SIK3: variants seen among roughly 807,000 people sequenced by gnomAD.
SIK3 encodes the protein serine/threonine-protein kinase SIK3.
In SIK3, 28 loss-of-function variants were observed where a neutral mutation model predicts 144.2. The observed-to-expected ratio is 0.19, with a 90% CI of 0.14 to 0.27. The LOEUF is 0.27. Ranked by LOEUF, SIK3 falls within the 10% of genes least tolerant of loss-of-function variation. The pLI is 1.00. For synonymous variants in SIK3, 686 were observed against 676.3 expected, an observed-to-expected ratio of 1.01 and a Z score of -0.22; for missense variants, 1,319 against 1,776.0, an observed-to-expected ratio of 0.74 and a Z score of 4.62.
intron 1 of SIK3, among the ~76,000 whole-genome samples, chr11:117,062,203 CG>C (rs1953826465): frequency 6.6e-6 from 1 of 151,904 alleles, no homozygotes; most frequent in Non-Finnish European, 1.5e-5. Context: ...CCACTGTGCC[CG>C]GCCTGCTAAT....
intron 1 of SIK3, among the ~76,000 whole-genome samples, chr11:117,094,955 AT>A (rs1352045437): frequency 1.3e-5 from 2 of 152,096 alleles, no homozygotes; most frequent in African/African-American, 4.8e-5. Flanking sequence ...TGCTGCCAAT[AT>A]GAAGTCTGAG....
intron 1 of SIK3, among the ~76,000 whole-genome samples, chr11:117,045,582 T>C (rs1402506009): frequency 6.6e-6 from 1 of 152,230 alleles, no homozygotes. Context: ...GGCATGAAGC[T>C]GAAATTGGTA....
At chr11:116,981,217 C>T (rs1156892747) in intron 1 of SIK3, among the ~76,000 whole-genome samples, 1 of 152,210 alleles carries the variant, frequency 6.6e-6, no homozygotes. Context: ...TGGCATCACC[C>T]AGGGCAGCTT....
At position 116,957,136 on chromosome 11, in the gene SIK3, T is replaced by C; in HGVS notation, c.274-72A>G. ...GTTTACTAAGAAAAATTAGGTTCACTTTAAAACATTACGTTCCATAAAATA... is the reference window on the plus strand; with the variant it reads ...GTTTACTAAGAAAAATTAGGTTCACCTTAAAACATTACGTTCCATAAAATA... On this transcript the variant is annotated intron_variant, in intron 1 of 24. Transcript: ENST00000445177. 8.3e-6 allele frequency: 6 copies of C among 723,898 alleles called. No individual in the cohort carries two copies. In the Middle Eastern group the frequency reaches 1.3e-3, roughly 162 times the overall value. 44.8% of individuals were successfully genotyped at this position (723,898 alleles called of 1,614,324 possible). A position where few individuals can be genotyped will look rare whatever the true frequency, so the allele number is the denominator to read the frequency against.
chr11:116,894,150 C>T (rs1945273636), intron 6 of SIK3, among the ~76,000 whole-genome samples: 2 of 152,288 alleles, frequency 1.3e-5, no homozygotes, highest in South Asian at 4.1e-4. Flanking sequence ...TCTCCTAGGA[C>T]AGCAGGCCCT....
chr11:117,048,392 C>G (rs999961528), intron 1 of SIK3, among the ~76,000 whole-genome samples: 4 of 152,340 alleles, frequency 2.6e-5, no homozygotes, highest in Admixed American at 2.0e-4. Context: ...CGCGGTGGCT[C>G]ACGCCTGTAA....
At chr11:117,067,517 G>T (rs1416381197) in intron 1 of SIK3, among the ~76,000 whole-genome samples, 1 of 152,140 alleles carries the variant, frequency 6.6e-6, no homozygotes, top group Admixed American at 6.5e-5. Flanking sequence ...GGAAGTGGAG[G>T]AGGATGAGAA....
chr11:116,991,427 A>G (rs1950498112), intron 1 of SIK3, among the ~76,000 whole-genome samples: 1 of 152,208 alleles, frequency 6.6e-6, no homozygotes, highest in African/African-American at 2.4e-5. Context: ...AGTATGGGCA[A>G]TAGAGCAAGG....
chr11:117,013,115 T>C (rs879260776), intron 1 of SIK3, among the ~76,000 whole-genome samples: 3 of 152,104 alleles, frequency 2.0e-5, no homozygotes, highest in Admixed American at 2.0e-4. Context: ...TCACCAAAGA[T>C]AGTTTCTGTT....
Position 116,843,812 on chromosome 11 carries a change from C to A in SIK3, c.*1831G>T, listed in dbSNP as rs1469033955. On this transcript the variant is annotated 3_prime_UTR_variant, in exon 25 of 25. Transcript: ENST00000445177. The stretch of plus-strand genomic sequence containing the variant: ...TCTGGTGAGTAGTTGGTGACCCCAC[C>A]AAGTGGAGGGGAGACTGGGGACCAT... 6.6e-6 allele frequency: 1 copy of A among 152,116 alleles called. No individual in the cohort carries two copies. Among genetic ancestry groups the A allele is most frequent in the African/African-American group, 2.4e-5 (1 of 41,402 alleles). The allele number at this position is 152,116 out of a possible 1,614,324, so 9.4% of individuals were successfully genotyped here.
Position 116,979,865 on chromosome 11 carries a change from AAG to A in SIK3, c.274-22803_274-22802del, listed in dbSNP as rs149791756. Among the ~76,000 whole-genome samples the A allele has an allele frequency of 4.5e-3, 688 of 152,044 alleles. 4 individuals are homozygous for A. Among genetic ancestry groups the A allele is most frequent in the Non-Finnish European group, 8.4e-3 (569 of 67,936 alleles). On this transcript the variant is annotated intron_variant, in intron 1 of 24. Transcript: ENST00000445177. The stretch of plus-strand genomic sequence containing the variant: ...CCATCTCCAACAAACAAAGAAAAAA[AAG>A]AGAGAGAGAGAGCATAAGGCATAAG...
chr11:116,901,329 CCAATCCTCTTGT>C (rs1448056278), intron 4 of SIK3, among the ~76,000 whole-genome samples: 2 of 152,138 alleles, frequency 1.3e-5, no homozygotes, highest in Non-Finnish European at 2.9e-5. Flanking sequence ...AATAACTGGG[CCAATCCTCTTGT>C]CACCTCCTGA....
intron 15 of SIK3, among the ~76,000 whole-genome samples, chr11:116,866,009 C>T (rs1943611113): frequency 6.6e-6 from 1 of 152,294 alleles, no homozygotes; most frequent in South Asian, 2.1e-4. Flanking sequence ...AAAAGGTTCA[C>T]ATGAAAACAG....
At chr11:116,913,408 C>T (rs1946447040) in intron 4 of SIK3, among the ~76,000 whole-genome samples, 1 of 152,044 alleles carries the variant, frequency 6.6e-6, no homozygotes. Context: ...TTAGCAGGTA[C>T]AATAGCTGAA....
rs1475403444 is a variant in SIK3, at chr11:116,859,587, G to T, written c.2443C>A (p.Gln815Lys). 3 of 1,613,710 alleles carry T rather than the reference G, an allele frequency of 1.9e-6. No homozygotes were observed. Among genetic ancestry groups the T allele is most frequent in the Non-Finnish European group, 1.7e-6 (2 of 1,179,840 alleles). ...IQPHGAASSS[Q>K]FQGLPSRSAI... is the part of the protein sequence containing the mutation. Reference sequence around the variant, plus strand: ...CTGCGGGAAGGTAAGCCTTGAAACTGGGAAGAAGATGCAGCCCCTGGAGAG... The same window carrying T: ...CTGCGGGAAGGTAAGCCTTGAAACTTGGAAGAAGATGCAGCCCCTGGAGAG... Residue 815 changes from glutamine to lysine, a missense_variant, in exon 20 of 25, where the codon CAG becomes AAG. Gln to Lys is a moderately conservative substitution (Grantham distance 53, BLOSUM62 1). This residue lies in a region of SIK3 where 646 missense variants were observed against 763.7 expected (regional missense o/e 0.85). Transcript: ENST00000445177.
chr11:117,010,232 C>T (rs1171914768), intron 1 of SIK3, among the ~76,000 whole-genome samples: 2 of 152,152 alleles, frequency 1.3e-5, no homozygotes, highest in African/African-American at 4.8e-5. Context: ...CCAATGCATT[C>T]AGAATTTACT....
intron 3 of SIK3, among the ~76,000 whole-genome samples, chr11:116,932,765 C>T (rs980318162): frequency 2.0e-5 from 3 of 152,124 alleles, no homozygotes; most frequent in African/African-American, 7.2e-5. Flanking sequence ...CAGAATCATA[C>T]AGTCGGCGAC....
intron 1 of SIK3, among the ~76,000 whole-genome samples, chr11:117,003,180 A>G (rs1042311710): frequency 7.6e-6 from 1 of 131,408 alleles, no homozygotes; most frequent in Non-Finnish European, 1.7e-5. Flanking sequence ...GCAACGAATG[A>G]TAAGAAATTC....
At chr11:116,944,269 T>G (rs2135300978) in intron 3 of SIK3, among the ~76,000 whole-genome samples, 1 of 152,296 alleles carries the variant, frequency 6.6e-6, no homozygotes, top group East Asian at 1.9e-4. Flanking sequence ...TTATGTCTGC[T>G]CGGAGTGTCT....
Sources: allele counts gnomAD v4.1 joint callset (sites outside exome capture counted in the v4.1 genomes callset), GRCh38; gene constraint gnomAD v4.1.1; regional missense constraint gnomAD v4.1.1; transcripts MANE v1.5; gene names NCBI Gene and HGNC (gene_info 2026-07-23, HGNC 2026-07-21).